The following SUPT16H variants were observed in gnomAD, a reference collection of about 807,000 sequenced individuals.
The protein encoded by SUPT16H is SPT16 homolog, facilitates chromatin remodeling subunit.
SUPT16H carries 24 observed loss-of-function variants against 136.2 expected under a neutral mutation model. That is an observed-to-expected ratio of 0.18 (90% CI 0.13 to 0.25). The LOEUF is 0.25. SUPT16H is among the 10% of genes least tolerant of loss of function. The pLI is 1.00. For missense variants in SUPT16H, 623 were observed against 1,270.2 expected (o/e 0.49, Z 7.74); for synonymous variants, 415 against 428.2 (o/e 0.97, Z 0.38).
rs2295865 is a variant in SUPT16H at position 21,351,870 on chromosome 14, A to C, written c.*803T>G. ...AAGGCATGACTTGTCCCTTCCAGAT[A>C]TAAATGTTGACTCCTTTGAGCCTTC... On this transcript the variant is annotated 3_prime_UTR_variant, in exon 26 of 26. Transcript: ENST00000216297. 142,573 of 152,806 alleles carry C rather than the reference A, an allele frequency of 0.93. 66,670 individuals are homozygous for C. The highest frequency in any genetic ancestry group is 0.98 in the African/African-American group (40,638 of 41,556). 9.5% of individuals were successfully genotyped at this position (152,806 alleles called of 1,614,324 possible). A position where few individuals can be genotyped will look rare whatever the true frequency, so the allele number is the denominator to read the frequency against.
Position 21,369,238 on chromosome 14 carries a change from C to T in SUPT16H, c.748G>A (p.Gly250Ser). ...EMCYPPIIQS[G>S]GNYNLKFSVV... ...CTGAACTTGAGATTATAGTTGCCACCACTCTGAATGATAGGAGGGTAACAC... is the reference window on the plus strand; with the variant it reads ...CTGAACTTGAGATTATAGTTGCCACTACTCTGAATGATAGGAGGGTAACAC... Residue 250 changes from glycine to serine, a missense_variant, in exon 6 of 26, where the codon GGT becomes AGT. Transcript: ENST00000216297. 6 of 1,614,052 alleles carry T rather than the reference C, an allele frequency of 3.7e-6. No homozygotes were observed. Among genetic ancestry groups the T allele is most frequent in the Non-Finnish European group, 5.1e-6 (6 of 1,179,992 alleles).
At chr14:21,363,177 C>T (rs1174368538) in intron 12 of SUPT16H, 28 bp from the exon 13 acceptor site, 4 of 1,613,942 alleles carry the variant, frequency 2.5e-6, no homozygotes, top group Non-Finnish European at 3.4e-6. Context: ...CAATTTATCA[C>T]AACACGTGAG....
intron 1 of SUPT16H, 28 bp from the exon 2 acceptor site, chr14:21,373,458 A>C: frequency 6.7e-7 from 1 of 1,500,960 alleles, no homozygotes; most frequent in Non-Finnish European, 9.3e-7. Flanking sequence ...TCATCACTTA[A>C]TTTTTCACAC....
chr14:21,362,644 G>A (rs1953142485), intron 14 of SUPT16H, 150 bp downstream of exon 14: 4 of 936,720 alleles, frequency 4.3e-6, no homozygotes, highest in Non-Finnish European at 3.1e-6. Context: ...AGAGGAAGGA[G>A]AATGACAAGA....
intron 1 of SUPT16H, among the ~76,000 whole-genome samples, chr14:21,378,437 A>C (rs1045239928): frequency 6.6e-6 from 1 of 152,228 alleles, no homozygotes; most frequent in African/African-American, 2.4e-5. Flanking sequence ...TGTAAATAGT[A>C]ACTACTTATT....
At chr14:21,372,375 GAC>G in intron 2 of SUPT16H, 1 of 313,290 alleles carries the variant, frequency 3.2e-6, no homozygotes, top group South Asian at 3.2e-5. Context: ...TAAAACAAGG[GAC>G]AGAGTGATAC....
At chr14:21,360,114 G>A (rs1182740280) in intron 18 of SUPT16H, among the ~76,000 whole-genome samples, 2 of 152,022 alleles carry the variant, frequency 1.3e-5, no homozygotes, top group African/African-American at 4.8e-5. Flanking sequence ...TGCAACTTCC[G>A]CCTCCCAGGT....
intron 20 of SUPT16H, 154 bp downstream of exon 20, chr14:21,358,161 C>A: frequency 1.2e-6 from 1 of 813,272 alleles, no homozygotes; most frequent in East Asian, 2.7e-5. Context: ...CTCACCTAAA[C>A]CCTTAAACAT....
chr14:21,360,839 T>A lies in SUPT16H; in HGVS notation c.2056+7A>T, dbSNP rs200150303. The A allele has an allele frequency of 7.7e-5, 124 of 1,613,180 alleles. 1 individual carries two copies. Among genetic ancestry groups the A allele is most frequent in the Admixed American group, 1.7e-5 (1 of 59,804 alleles). ...GAAAGCCTAGGTACAGGAGAGATCA[T>A]CCATACCATTGACATGGGCCTCCAG... On this transcript the variant is annotated splice_region_variant and intron_variant, in intron 17 of 25. Coordinates refer to ENST00000216297, the MANE Select transcript of SUPT16H (RefSeq NM_007192.4).
chr14:21,361,927 T>C (rs924150312), intron 15 of SUPT16H, among the ~76,000 whole-genome samples: 1 of 152,094 alleles, frequency 6.6e-6, no homozygotes, highest in Non-Finnish European at 1.5e-5. Context: ...CCACCACCCC[T>C]GGTTAATTAT....
chr14:21,369,729 G>A (rs1886746550), intron 5 of SUPT16H, 21 bp downstream of exon 5: 1 of 1,613,444 alleles, frequency 6.2e-7, no homozygotes, highest in Admixed American at 1.7e-5. Flanking sequence ...ACAGTAAAAA[G>A]ACCCTCTCAT....
chr14:21,368,928 G>T (rs1055921997), intron 6 of SUPT16H, among the ~76,000 whole-genome samples: 1 of 152,070 alleles, frequency 6.6e-6, no homozygotes, highest in African/African-American at 2.4e-5. Context: ...GTGTGTAGGG[G>T]GGCAGGCGAG....
rs1331884064 is a variant in SUPT16H at position 21,357,953 on chromosome 14, T to C, written c.2464A>G (p.Ser822Gly). ...CATTCCGTAGCATTTACCAGCGCAC[T>C]ACTAGTGGGCTGAAGGAGGCAGGTA... ...RSTCLLQPTS[S>G]ALVNATEWPP... is the part of the protein sequence containing the mutation. The change falls in exon 21 of 26, where the codon AGT becomes GGT. Residue 822 changes from serine (S) to glycine (G), a missense_variant. Ser to Gly is a moderately conservative substitution (Grantham distance 56, BLOSUM62 0). Transcript: ENST00000216297. 1.2e-6 allele frequency: 2 copies of C among 1,613,804 alleles called. No individual in the cohort carries two copies. The highest frequency in any genetic ancestry group is 1.3e-5 in the African/African-American group (1 of 74,918).
At chr14:21,354,602 C>T (rs1886388146) in intron 22 of SUPT16H, 62 bp from the exon 23 acceptor site, 1 of 1,583,834 alleles carries the variant, frequency 6.3e-7, no homozygotes, top group African/African-American at 1.4e-5. Flanking sequence ...ATTCTTTCTT[C>T]TTTTTTTGAG....
chr14:21,364,021 C>G (rs1886613375), intron 10 of SUPT16H, among the ~76,000 whole-genome samples: 4 of 152,160 alleles, frequency 2.6e-5, no homozygotes, highest in Admixed American at 1.3e-4. Flanking sequence ...ATCACTAATA[C>G]AGGTTTGATT....
At chr14:21,366,200 T>C (rs1299905913) in intron 8 of SUPT16H, among the ~76,000 whole-genome samples, 6 of 152,218 alleles carry the variant, frequency 3.9e-5, no homozygotes, top group African/African-American at 1.2e-4. Flanking sequence ...TCTGTAATTA[T>C]ATCCTGGAAA....
chr14:21,382,037 C>T (rs1049199095), intron 1 of SUPT16H, among the ~76,000 whole-genome samples: 5 of 152,066 alleles, frequency 3.3e-5, no homozygotes, highest in African/African-American at 9.7e-5. Flanking sequence ...GGAGGATAAG[C>T]GACTAGATTT....
At chr14:21,375,016 CT>C (rs990566718) in intron 1 of SUPT16H, among the ~76,000 whole-genome samples, 4 of 149,214 alleles carry the variant, frequency 2.7e-5, no homozygotes, top group African/African-American at 2.5e-5. Context: ...TAGTATCCTG[CT>C]TTTTTTTTTC....
At chr14:21,365,217 C>A in intron 8 of SUPT16H, 74 bp from the exon 9 acceptor site, 2 of 1,339,546 alleles carry the variant, frequency 1.5e-6, no homozygotes, top group Non-Finnish European at 2.1e-6. Context: ...ATATTCATTT[C>A]AACTTTCACA....
Sources: allele counts gnomAD v4.1 joint callset (sites outside exome capture counted in the v4.1 genomes callset), GRCh38; gene constraint gnomAD v4.1.1; transcripts MANE v1.5; gene names NCBI Gene and HGNC (gene_info 2026-07-23, HGNC 2026-07-21).